COL4A2: variants seen among roughly 807,000 people sequenced by gnomAD.
The protein encoded by COL4A2 is collagen type IV alpha 2 chain.
In COL4A2, 99 loss-of-function variants were observed where a neutral mutation model predicts 200.2. That is an observed-to-expected ratio of 0.49 (90% CI 0.42 to 0.58). The LOEUF is 0.58. Ranked by LOEUF, COL4A2 falls within the 20% of genes least tolerant of loss-of-function variation. The pLI, the probability that COL4A2 is intolerant of heterozygous loss-of-function variation, is 0.00. For synonymous variants in COL4A2, 897 were observed against 900.6 expected (o/e 1.00, Z 0.07); for missense variants, 1,950 against 2,314.1 (o/e 0.84, Z 3.23).
chr13:110,386,861 A>C (rs931458667), intron 4 of COL4A2, among the ~76,000 whole-genome samples: 1 of 152,156 alleles, frequency 6.6e-6, no homozygotes, highest in Non-Finnish European at 1.5e-5. Context: ...GGCCATCCCC[A>C]TGAAGGGCTG....
intron 36 of COL4A2, among the ~76,000 whole-genome samples, chr13:110,490,754 G>A (rs9559823): frequency 0.12 from 17,526 of 152,206 alleles, 1,278 homozygotes; most frequent in South Asian, 0.24. Context: ...ATTACCACGC[G>A]TCTCTAATGA....
At chr13:110,311,131 C>G (rs1200399738) in intron 3 of COL4A2, among the ~76,000 whole-genome samples, 2 of 152,142 alleles carry the variant, frequency 1.3e-5, no homozygotes, top group Non-Finnish European at 2.9e-5. Context: ...GGCTCTCCCC[C>G]TCCTTCCTCC....
chr13:110,337,232 G>T (rs113655029), intron 3 of COL4A2, among the ~76,000 whole-genome samples: 1 of 152,242 alleles, frequency 6.6e-6, no homozygotes, highest in African/African-American at 2.4e-5. Flanking sequence ...GGAAGTTTTA[G>T]AAGCACCCGG....
chr13:110,332,573 C>T (rs764129442), intron 3 of COL4A2, among the ~76,000 whole-genome samples: 13 of 152,156 alleles, frequency 8.5e-5, no homozygotes, highest in Non-Finnish European at 1.8e-4. Flanking sequence ...TGAGTTTGAA[C>T]ATTGATGGTG....
At chr13:110,398,446 G>A (rs1188478381) in intron 4 of COL4A2, among the ~76,000 whole-genome samples, 1 of 152,160 alleles carries the variant, frequency 6.6e-6, no homozygotes, top group Admixed American at 6.5e-5. Context: ...ATCAGTTGAG[G>A]TCGGGAGTTC....
intron 24 of COL4A2, 90 bp downstream of exon 24, chr13:110,462,474 A>G (rs1248627826): frequency 2.3e-6 from 3 of 1,292,304 alleles, no homozygotes; most frequent in Non-Finnish European, 3.3e-6. Flanking sequence ...TATTGACATG[A>G]GCACTAAACC....
intron 21 of COL4A2, chr13:110,458,358 C>T (rs1881863373): frequency 3.0e-6 from 1 of 330,188 alleles, no homozygotes; most frequent in African/African-American, 2.2e-5. Flanking sequence ...TGACCTTGGC[C>T]TCTGAGGCCA....
intron 4 of COL4A2, among the ~76,000 whole-genome samples, chr13:110,376,637 T>G (rs2139406519): frequency 6.6e-6 from 1 of 152,342 alleles, no homozygotes; most frequent in African/African-American, 2.4e-5. Flanking sequence ...CGCTGTAATG[T>G]GCCTGCAAGC....
At chr13:110,343,757 T>C (rs1049798674) in intron 3 of COL4A2, among the ~76,000 whole-genome samples, 11 of 152,232 alleles carry the variant, frequency 7.2e-5, no homozygotes, top group Non-Finnish European at 1.5e-4. Context: ...AGAAATCTTA[T>C]TGTATTCTGA....
chr13:110,439,905 T>G, intron 16 of COL4A2, 72 bp downstream of exon 16: 3 of 1,536,340 alleles, frequency 2.0e-6, no homozygotes, highest in Admixed American at 2.3e-5. Context: ...AAATAGGCCT[T>G]GGCATCTCAG....
chr13:110,347,230 C>T (rs1186752983), intron 3 of COL4A2, among the ~76,000 whole-genome samples: 6 of 152,220 alleles, frequency 3.9e-5, no homozygotes, highest in Non-Finnish European at 8.8e-5. Context: ...AAGGCATTTC[C>T]AAGGCAGCGT....
chr13:110,465,369 T>C, intron 24 of COL4A2, 36 bp from the exon 25 acceptor site: 2 of 1,565,432 alleles, frequency 1.3e-6, no homozygotes, highest in South Asian at 1.2e-5. Flanking sequence ...TTAACATTAG[T>C]ATATATTTTA....
At chr13:110,429,855 T>G in intron 7 of COL4A2, 30 bp from the exon 8 acceptor site, 1 of 1,609,784 alleles carries the variant, frequency 6.2e-7, no homozygotes. Context: ...TTTTGTTGTT[T>G]TTTCTTTTTA....
Position 110,424,957 on chromosome 13 carries a change from C to T in COL4A2, c.320C>T (p.Ala107Val), listed in dbSNP as rs932645606. 1.2e-6 allele frequency: 2 copies of T among 1,614,042 alleles called. No individual in the cohort carries two copies. The highest frequency in any genetic ancestry group is 1.3e-5 in the African/African-American group (1 of 74,896). ...GVTGPKGDVG[A>V]RGVSGFPGAD... ...TTGCATTTGCTTTCTTCATAGGGAG[C>T]AAGAGGCGTTTCTGGATTCCCTGGT... The change falls in exon 6 of 48, where the codon GCA (alanine) becomes GTA (valine). Residue 107 changes from alanine to valine, a missense_variant. By Grantham distance (64) the Ala-to-Val change is moderately conservative. Around this residue, in one of 2 missense-constraint regions of COL4A2, gnomAD observed 565 missense variants for 593.5 expected, o/e 0.95. Transcript: ENST00000360467.
At chr13:110,438,788 C>A (rs549276886) in intron 15 of COL4A2, 120 bp downstream of exon 15, 6 of 1,099,124 alleles carry the variant, frequency 5.5e-6, no homozygotes, top group East Asian at 2.5e-5. Context: ...AGAGATTTCC[C>A]GTTATTACTC....
At chr13:110,342,629 T>C (rs776877456) in intron 3 of COL4A2, among the ~76,000 whole-genome samples, 12 of 152,060 alleles carry the variant, frequency 7.9e-5, no homozygotes, top group Admixed American at 5.2e-4. Context: ...GAACAGTAGG[T>C]TCTACCCATT....
chr13:110,507,923 CT>C lies in COL4A2; in HGVS notation c.4595-11del, dbSNP rs747868189. 4 of 1,612,050 alleles carry C rather than the reference CT, an allele frequency of 2.5e-6. No individual in the cohort carries two copies. In the African/African-American group the frequency reaches 5.3e-5, roughly 22 times the overall value. ...ACACTGCACTGTGATCTCATGACCCCTCCTTCCACAGGGCTGGCGGGCTCCT... is the reference window on the plus strand; with the variant it reads ...ACACTGCACTGTGATCTCATGACCCCCCTTCCACAGGGCTGGCGGGCTCCT... On this transcript the variant is annotated splice_polypyrimidine_tract_variant and intron_variant, in intron 46 of 47. Transcript: ENST00000360467.
intron 16 of COL4A2, among the ~76,000 whole-genome samples, chr13:110,445,167 A>AAG (rs915125175): frequency 4.6e-4 from 70 of 152,142 alleles, no homozygotes; most frequent in African/African-American, 1.6e-3. Flanking sequence ...TTTTTTAATG[A>AAG]AGAGAAAAAA....
chr13:110,315,729 T>C (rs538540275), intron 3 of COL4A2, among the ~76,000 whole-genome samples: 1 of 152,334 alleles, frequency 6.6e-6, no homozygotes, highest in East Asian at 1.9e-4. Context: ...ACATGTCTTC[T>C]TTAGCTGACA....
Sources: allele counts gnomAD v4.1 joint callset (sites outside exome capture counted in the v4.1 genomes callset), GRCh38; gene constraint gnomAD v4.1.1; regional missense constraint gnomAD v4.1.1; transcripts MANE v1.5; gene names NCBI Gene and HGNC (gene_info 2026-07-23, HGNC 2026-07-21).